The following ARAP3 variants were observed in gnomAD, a reference collection of about 807,000 sequenced individuals.
ARAP3 encodes the protein arf-GAP with Rho-GAP domain, ANK repeat and PH domain-containing protein 3.
Under a neutral mutation model 169.2 loss-of-function variants are expected in ARAP3, and 82 were observed. The ratio of observed to expected loss-of-function variants is 0.48; its 90% CI spans 0.41 to 0.58. The LOEUF (loss-of-function observed/expected upper bound fraction) is 0.58, where lower values mean the gene tolerates loss of function less well. Among genes scored for constraint, ARAP3 ranks in the 20% least tolerant of loss-of-function variants. The probability of loss-of-function intolerance (pLI) is 0.00; values close to 1 mark genes in which losing one functional copy is unlikely to be tolerated. For missense variants in ARAP3, 1,764 were observed against 2,018.0 expected (o/e 0.87, Z 2.41); for synonymous variants, 791 against 800.3 (o/e 0.99, Z 0.20).
At chr5:141,679,500 A>T in intron 4 of ARAP3, 45 bp downstream of exon 4, 1 of 1,578,458 alleles carries the variant, frequency 6.3e-7, no homozygotes, top group Non-Finnish European at 8.7e-7. Context: ...GCCGCCACCG[A>T]CTCACCTGCT....
intron 25 of ARAP3, among the ~76,000 whole-genome samples, 183 bp from the exon 26 acceptor site, chr5:141,657,029 C>T (rs188726217): frequency 2.0e-5 from 3 of 152,312 alleles, no homozygotes; most frequent in African/African-American, 7.2e-5. Flanking sequence ...CATGGCCTCC[C>T]TTCACAAAGC....
rs1392743937 is a variant in ARAP3 at position 141,654,080 on chromosome 5, C to G, written c.4505G>C (p.Gly1502Ala). ...GGATGGCTGGGAAGGACTTCCCAGG[C>G]CTGCAGTGGTCTCTCCTTTCCTCAG... ...LILRKGETTA[G>A]LGSPSQPSSP... The change falls in exon 33 of 33, where the codon GGC becomes GCC. Residue 1502 changes from glycine (G) to alanine (A), a missense_variant. Physicochemically the swap from Gly to Ala is moderately conservative, Grantham distance 60. This residue lies in a region of ARAP3 where 1,112 missense variants were observed against 1,285.7 expected (regional missense o/e 0.86). Coordinates refer to ENST00000239440, the MANE Select transcript of ARAP3 (RefSeq NM_022481.6). The G allele has an allele frequency of 6.2e-7, 1 of 1,609,204 alleles. No individual in the cohort carries two copies. The highest frequency in any genetic ancestry group is 8.5e-7 in the Non-Finnish European group (1 of 1,177,468).
intron 21 of ARAP3, among the ~76,000 whole-genome samples, chr5:141,661,449 G>T (rs960449863): frequency 6.6e-6 from 1 of 152,092 alleles, no homozygotes; most frequent in East Asian, 1.9e-4. Context: ...AGAAATTGAG[G>T]CCCAGAGAGA....
Position 141,662,062 on chromosome 5 carries a change from A to C in ARAP3, c.2994T>G (p.Pro998=). Residue 998 remains proline, a synonymous_variant, in exon 20 of 33, where the codon CCT becomes CCG. Transcript: ENST00000239440. ...GAATACCAGCAGCCTCCCTCCAGCG[A>C]GGCAGCAACCGTGCAGAGGTCACAG... ...DDPVTSARLL[P]RWREAAELPQ... 1 of 1,614,182 alleles carries C rather than the reference A, an allele frequency of 6.2e-7. No individual in the cohort carries two copies. The highest frequency in any genetic ancestry group is 1.1e-5 in the South Asian group (1 of 91,092).
Position 141,671,672 on chromosome 5 carries a change from A to T in ARAP3, c.1752T>A (p.Asp584Glu). The T allele has an allele frequency of 6.2e-7, 1 of 1,613,738 alleles. No individual in the cohort carries two copies. The highest frequency in any genetic ancestry group is 8.5e-7 in the Non-Finnish European group (1 of 1,179,814). Residue 584 changes from aspartate (D) to glutamate (E), a missense_variant, in exon 12 of 33, where the codon GAT becomes GAA. Around this residue, in one of 3 missense-constraint regions of ARAP3, gnomAD observed 1,112 missense variants for 1,285.7 expected, o/e 0.86. Coordinates refer to ENST00000239440, the MANE Select transcript of ARAP3 (RefSeq NM_022481.6). This position sits in a 1 kb window ranked among gnomAD's most constrained non-coding sequence, Gnocchi z 4.9. ...TLPPGEGLHP[D>E]ATPGPRGEFI... ...ACTCTCCCCGGGGGCCAGGGGTCGC[A>T]TCTGGATGTAGTCCCTCACCTGGGG...
At position 141,654,411 on chromosome 5, in the gene ARAP3, C is replaced by G; in HGVS notation, c.4174G>C (p.Val1392Leu). 6.2e-7 allele frequency: 1 copy of G among 1,603,332 alleles called. No homozygotes were observed. Among genetic ancestry groups the G allele is most frequent in the Admixed American group, 1.7e-5 (1 of 59,566 alleles). ...TCCTCCAGCTCCTCTTGCTCCTCCA[C>G]AGACCCCTGGGATGACTTCATTGGC... Reference protein sequence around the residue: ...FFPMKSSQGSVEEQEELEEPV... With the variant: ...FFPMKSSQGSLEEQEELEEPV... Residue 1392 changes from valine to leucine, a missense_variant, in exon 33 of 33, where the codon GTG becomes CTG. This residue lies in a region of ARAP3 where 1,112 missense variants were observed against 1,285.7 expected (regional missense o/e 0.86). Transcript: ENST00000239440.
Position 141,671,351 on chromosome 5 carries a change from T to C in ARAP3, c.1904A>G (p.Gln635Arg). ...TTCAAAGGCCTCAACACAGAGGAGC[T>C]GGGTCATGTTCTTCAGCAGGTTGGG... is the stretch of plus-strand genomic sequence containing the variant. ...ARPNLLKNMT[Q>R]LLCVEAFEGE... The change falls in exon 13 of 33, where the codon CAG becomes CGG. Residue 635 changes from glutamine to arginine, a missense_variant. Coordinates refer to ENST00000239440, the MANE Select transcript of ARAP3 (RefSeq NM_022481.6). The surrounding 1 kb of genome is among the most constrained non-coding windows in gnomAD (Gnocchi z 4.9). 1 of 1,613,760 alleles carries C rather than the reference T, an allele frequency of 6.2e-7. No individual in the cohort carries two copies. The highest frequency in any genetic ancestry group is 8.5e-7 in the Non-Finnish European group (1 of 1,179,840).
Position 141,672,711 on chromosome 5 carries a change from G to T in ARAP3, c.1278+30C>A. The T allele has an allele frequency of 6.2e-7, 1 of 1,614,146 alleles. No individual in the cohort carries two copies. The highest frequency in any genetic ancestry group is 2.2e-5 in the East Asian group (1 of 44,880). ...GAGGTGCCAGAAGGGACTAGTTCAG[G>T]CCCCTCAGCCCTGGCCCGGCTCTCC... is the stretch of plus-strand genomic sequence containing the variant. On this transcript the variant is annotated intron_variant, in intron 8 of 32. Transcript: ENST00000239440. This position sits in a 1 kb window ranked among gnomAD's most constrained non-coding sequence, Gnocchi z 4.9.
intron 1 of ARAP3, chr5:141,680,897 C>G: frequency 1.1e-5 from 2 of 184,310 alleles, no homozygotes; most frequent in East Asian, 1.6e-4. Flanking sequence ...TAGGGAGATG[C>G]AGAGGAGGGG....
chr5:141,665,135 C>T, intron 18 of ARAP3, 50 bp from the exon 19 acceptor site: 1 of 1,579,294 alleles, frequency 6.3e-7, no homozygotes, highest in Non-Finnish European at 8.6e-7. Flanking sequence ...GGCCCAGATG[C>T]ATGGGGACCA....
intron 16 of ARAP3, among the ~76,000 whole-genome samples, chr5:141,667,068 C>G (rs901757823): frequency 1.3e-5 from 2 of 151,936 alleles, no homozygotes; most frequent in Admixed American, 1.3e-4. Flanking sequence ...TGCCATCACA[C>G]CTGGCTAATT....
intron 2 of ARAP3, 57 bp from the exon 3 acceptor site, chr5:141,679,879 T>A (rs2099912739): frequency 1.2e-6 from 2 of 1,610,752 alleles, no homozygotes; most frequent in African/African-American, 2.7e-5. Flanking sequence ...CAAGCCTTCA[T>A]GCCCTGCTCC....
intron 4 of ARAP3, among the ~76,000 whole-genome samples, chr5:141,675,621 G>A (rs535173103): frequency 6.6e-6 from 1 of 151,870 alleles, no homozygotes; most frequent in African/African-American, 2.4e-5. Context: ...TACTCGGGAG[G>A]CTGAGGCAAG....
chr5:141,665,448 A>C, intron 17 of ARAP3, 74 bp from the exon 18 acceptor site: 2 of 1,495,670 alleles, frequency 1.3e-6, no homozygotes, highest in Non-Finnish European at 1.9e-6. Context: ...TAAATGCTTA[A>C]CGTGCATAGA....
chr5:141,670,758 C>A, intron 13 of ARAP3, 130 bp from the exon 14 acceptor site: 2 of 736,526 alleles, frequency 2.7e-6, no homozygotes, highest in South Asian at 1.7e-5. Flanking sequence ...AAGTAGAGCC[C>A]AATGGAGCTG....
intron 1 of ARAP3, chr5:141,680,729 A>G: frequency 1.4e-6 from 1 of 709,846 alleles, no homozygotes; most frequent in Non-Finnish European, 2.2e-6. Context: ...CAGAGAGGGG[A>G]AGGGGCTTGC....
rs771536935 is a variant in ARAP3, at chr5:141,672,182, C to G, written c.1505G>C (p.Arg502Pro). Residue 502 changes from arginine to proline, a missense_variant, in exon 10 of 33, where the codon CGG becomes CCG. Physicochemically the swap from Arg to Pro is moderately radical, Grantham distance 103. Transcript: ENST00000239440. The surrounding 1 kb of genome is among the most constrained non-coding windows in gnomAD (Gnocchi z 4.9). Reference sequence around the variant, plus strand: ...GGAGGACCCACAGTCCGCACACTGCCGGTTGGCCCGATTAGACCAGATCTT... The same window carrying G: ...GGAGGACCCACAGTCCGCACACTGCGGGTTGGCCCGATTAGACCAGATCTT... ...AEKIWSNRAN[R>P]QCADCGSSRP... The G allele has an allele frequency of 1.2e-6, 2 of 1,614,182 alleles. No individual in the cohort carries two copies. Among genetic ancestry groups the G allele is most frequent in the Non-Finnish European group, 1.7e-6 (2 of 1,180,038 alleles).
At position 141,671,202 on chromosome 5, in the gene ARAP3, C is replaced by T; in HGVS notation, c.1990+63G>A. On this transcript the variant is annotated intron_variant, in intron 13 of 32. Coordinates refer to ENST00000239440, the MANE Select transcript of ARAP3 (RefSeq NM_022481.6). The surrounding 1 kb of genome is among the most constrained non-coding windows in gnomAD (Gnocchi z 4.9). ...AGCTAATTGGGGCCCCTTGGAAGAA[C>T]TGAATCATAGGTTGGGTCTGAGAAT... The T allele has an allele frequency of 6.5e-7, 1 of 1,533,600 alleles. No homozygotes were observed. The highest frequency in any genetic ancestry group is 8.8e-7 in the Non-Finnish European group (1 of 1,139,524). 95.0% of individuals were successfully genotyped at this position (1,533,600 alleles called of 1,614,324 possible). A position where few individuals can be genotyped will look rare whatever the true frequency, so the allele number is the denominator to read the frequency against.
intron 4 of ARAP3, among the ~76,000 whole-genome samples, chr5:141,676,020 A>C: frequency 6.6e-6 from 1 of 152,156 alleles, no homozygotes; most frequent in East Asian, 1.9e-4. Context: ...TCCCTACCAG[A>C]TCATTCCTAT....
Sources: allele counts gnomAD v4.1 joint callset (sites outside exome capture counted in the v4.1 genomes callset), GRCh38; gene constraint gnomAD v4.1.1; regional missense constraint gnomAD v4.1.1; non-coding constraint Gnocchi (gnomAD v3.1); transcripts MANE v1.5; gene names NCBI Gene and HGNC (gene_info 2026-07-23, HGNC 2026-07-21).